ATP11A: variants seen among roughly 807,000 people sequenced by gnomAD.
ATP11A encodes the protein ATPase phospholipid transporting 11A, also known as phospholipid-transporting ATPase IH.
ATP11A carries 81 observed loss-of-function variants against 154.4 expected under a neutral mutation model. The ratio of observed to expected loss-of-function variants is 0.52; its 90% CI spans 0.44 to 0.63. The LOEUF is 0.63. ATP11A is among the 30% of genes least tolerant of loss of function. The pLI is 0.00. For missense variants in ATP11A, 1,316 were observed against 1,474.3 expected (o/e 0.89, Z 1.76); for synonymous variants, 623 against 585.9 (o/e 1.06, Z -0.91).
intron 16 of ATP11A, among the ~76,000 whole-genome samples, chr13:112,839,557 G>C (rs1430705867): frequency 6.6e-6 from 1 of 152,178 alleles, no homozygotes; most frequent in African/African-American, 2.4e-5. Flanking sequence ...TCCCAGAGGG[G>C]ACAGCCACCA....
chr13:112,832,009 C>T (rs1037498584), intron 13 of ATP11A, among the ~76,000 whole-genome samples: 1 of 152,132 alleles, frequency 6.6e-6, no homozygotes, highest in Non-Finnish European at 1.5e-5. Flanking sequence ...CACATGCACA[C>T]ACGCTCACAT....
chr13:112,756,375 C>T (rs1003715775), intron 1 of ATP11A, among the ~76,000 whole-genome samples: 3 of 152,144 alleles, frequency 2.0e-5, no homozygotes, highest in Non-Finnish European at 4.4e-5. Flanking sequence ...CCCTGCAGGC[C>T]ACCTCTCTCA....
At chr13:112,718,158 C>T (rs1888708806) in intron 1 of ATP11A, among the ~76,000 whole-genome samples, 1 of 152,146 alleles carries the variant, frequency 6.6e-6, no homozygotes, top group Admixed American at 6.5e-5. Flanking sequence ...TTGTCTCTCC[C>T]CCTTTGCTGT....
intron 9 of ATP11A, among the ~76,000 whole-genome samples, chr13:112,823,883 C>G (rs1192560244): frequency 2.6e-5 from 4 of 152,180 alleles, no homozygotes; most frequent in Admixed American, 1.3e-4. Context: ...CACGGATGCC[C>G]AAGGCCCTAT....
intron 2 of ATP11A, among the ~76,000 whole-genome samples, chr13:112,790,427 G>A: frequency 6.7e-6 from 1 of 148,768 alleles, no homozygotes; most frequent in South Asian, 2.2e-4. Context: ...CCCCTGTGGA[G>A]ACCTGCTTAA....
chr13:112,772,806 A>G (rs2077257694), intron 1 of ATP11A, among the ~76,000 whole-genome samples: 2 of 152,250 alleles, frequency 1.3e-5, no homozygotes, highest in African/African-American at 2.4e-5. Flanking sequence ...CCTGGTGACT[A>G]AGGGTGCTCT....
intron 25 of ATP11A, among the ~76,000 whole-genome samples, chr13:112,869,944 G>A (rs1277684578): frequency 6.6e-6 from 1 of 152,198 alleles, no homozygotes; most frequent in East Asian, 1.9e-4. Context: ...ATCCTCGTGG[G>A]CCACTGTCGT....
chr13:112,729,686 C>G (rs1383350224), intron 1 of ATP11A, among the ~76,000 whole-genome samples: 2 of 152,248 alleles, frequency 1.3e-5, no homozygotes, highest in African/African-American at 4.8e-5. Flanking sequence ...CCGCAGCGCT[C>G]CTGCTATTTT....
chr13:112,853,146 G>A (rs1012754181), intron 18 of ATP11A, among the ~76,000 whole-genome samples: 1 of 152,096 alleles, frequency 6.6e-6, no homozygotes, highest in African/African-American at 2.4e-5. Flanking sequence ...CTTGAGCCCA[G>A]GAGTTGGAGG....
chr13:112,843,132 G>A (rs776745256), intron 17 of ATP11A, among the ~76,000 whole-genome samples: 3 of 150,980 alleles, frequency 2.0e-5, no homozygotes, highest in African/African-American at 4.9e-5. Context: ...TTGGGTGGAC[G>A]TGCTCTCTCC....
intron 7 of ATP11A, 87 bp downstream of exon 7, chr13:112,819,494 G>A (rs1287050675): frequency 7.1e-6 from 8 of 1,134,158 alleles, no homozygotes; most frequent in Non-Finnish European, 9.1e-6. Context: ...GTCCAGCCAT[G>A]TGGTGGTTTG....
At chr13:112,852,784 G>GT (rs2079805553) in intron 18 of ATP11A, among the ~76,000 whole-genome samples, 2 of 138,174 alleles carry the variant, frequency 1.4e-5, no homozygotes, top group Non-Finnish European at 3.0e-5. Flanking sequence ...TGCCTGGTTG[G>GT]CGGGGGGGGA....
chr13:112,799,482 C>G (rs1369042433), intron 2 of ATP11A, among the ~76,000 whole-genome samples: 1 of 152,026 alleles, frequency 6.6e-6, no homozygotes, highest in African/African-American at 2.4e-5. Flanking sequence ...AGGTGGTTAT[C>G]CCTTGTGGGC....
At chr13:112,776,347 C>T (rs889477839) in intron 1 of ATP11A, among the ~76,000 whole-genome samples, 1 of 152,148 alleles carries the variant, frequency 6.6e-6, no homozygotes, top group Non-Finnish European at 1.5e-5. Context: ...CTGCCTGCTC[C>T]GTCCTCTCCC....
In ATP11A at chr13:112,863,724, C is replaced by G. The variant is rs1349941267; in HGVS notation, c.2991+1149C>G. Among the ~76,000 whole-genome samples the G allele has an allele frequency of 3.7e-5, 4 of 108,682 alleles. No homozygotes were observed. In the Admixed American group the frequency reaches 4.1e-4, roughly 11 times the overall value. The allele number at this position is 108,682 out of a possible 152,430, so 71.3% of individuals were successfully genotyped here. A position where few individuals can be genotyped will look rare whatever the true frequency, so the allele number is the denominator to read the frequency against. ...TGCGCAGCTTCCCAGCGGGGTCCAT[C>G]ACCACCTGCGCAGTAATTCAGTGCA... On this transcript the variant is annotated intron_variant, in intron 25 of 29. Coordinates refer to ENST00000375645, the MANE Select transcript of ATP11A (RefSeq NM_015205.3).
chr13:112,740,842 C>A (rs929534576), intron 1 of ATP11A, among the ~76,000 whole-genome samples: 1 of 152,200 alleles, frequency 6.6e-6, no homozygotes, highest in African/African-American at 2.4e-5. Flanking sequence ...AGAAGGCGCT[C>A]GCCATCAGGG....
chr13:112,759,578 T>C (rs1026790314), intron 1 of ATP11A, among the ~76,000 whole-genome samples: 4 of 152,242 alleles, frequency 2.6e-5, no homozygotes, highest in Non-Finnish European at 5.9e-5. Context: ...TCTGTATCAC[T>C]GTGAAGGGCT....
At chr13:112,857,217 C>G (rs1428014605) in intron 20 of ATP11A, among the ~76,000 whole-genome samples, 1 of 152,130 alleles carries the variant, frequency 6.6e-6, no homozygotes, top group Non-Finnish European at 1.5e-5. Context: ...ACAGCTTGAA[C>G]TGTTACATTT....
rs146451949 is a variant in ATP11A at position 112,838,133 on chromosome 13, G to A, written c.1705+1882G>A. Among the ~76,000 whole-genome samples the A allele has an allele frequency of 9.2e-4, 140 of 152,310 alleles. 2 individuals carry two copies. In the East Asian group the frequency reaches 0.019, roughly 21 times the overall value. ...ACGAAGAGCTTTTGCCAGCCAGACC[G>A]TGGGATCAGCAGGACAGGGTCTGAG... is the stretch of plus-strand genomic sequence containing the variant. On this transcript the variant is annotated intron_variant, in intron 16 of 29. Transcript: ENST00000375645. The surrounding 1 kb of genome is among the most constrained non-coding windows in gnomAD (Gnocchi z 7.3).
Sources: gnomAD v4.1 joint callset for allele counts (sites outside exome capture counted in the v4.1 genomes callset) on GRCh38, gnomAD v4.1.1 for gene constraint, Gnocchi (gnomAD v3.1) non-coding constraint, MANE v1.5 for transcripts, NCBI Gene and HGNC (gene_info 2026-07-23, HGNC 2026-07-21) for gene names.